TRIM16: variants seen among roughly 807,000 people sequenced by gnomAD.
TRIM16 encodes the protein tripartite motif containing 16.
TRIM16 carries 33 observed loss-of-function variants against 50.4 expected under a neutral mutation model. The observed-to-expected ratio is 0.65, with a 90% confidence interval of 0.50 to 0.88. The LOEUF (loss-of-function observed/expected upper bound fraction) is 0.88. TRIM16 is among the 40% of genes least tolerant of loss of function. The pLI, the probability that TRIM16 is intolerant of heterozygous loss-of-function variation, is 0.00. For missense variants in TRIM16, 581 were observed against 686.8 expected (o/e 0.85, Z 1.72); for synonymous variants, 229 against 270.7 (o/e 0.85, Z 1.51).
At chr17:15,664,902 T>C (rs910017800) in intron 6 of TRIM16, among the ~76,000 whole-genome samples, 2 of 151,902 alleles carry the variant, frequency 1.3e-5, no homozygotes, top group African/African-American at 2.4e-5. Flanking sequence ...TGTGGTGGCA[T>C]GTGCCTATAA....
At chr17:15,677,315 C>T (rs1988992763) in intron 5 of TRIM16, 35 bp from the exon 6 acceptor site, 1 of 983,910 alleles carries the variant, frequency 1.0e-6, no homozygotes, top group Admixed American at 6.2e-5. Context: ...ATTTTAAGTT[C>T]AAAAGAGAAA....
intron 7 of TRIM16, among the ~76,000 whole-genome samples, chr17:15,648,833 C>T (rs185470585): frequency 4.7e-4 from 71 of 152,276 alleles, no homozygotes; most frequent in African/African-American, 1.6e-3. Context: ...ACTTGCTCTC[C>T]GAGCTGAAAA....
intron 7 of TRIM16, among the ~76,000 whole-genome samples, chr17:15,650,227 C>A (rs1415475922): frequency 6.6e-6 from 1 of 152,184 alleles, no homozygotes; most frequent in Non-Finnish European, 1.5e-5. Flanking sequence ...CAACAGGGAA[C>A]TTCCTTGATG....
intron 4 of TRIM16, among the ~76,000 whole-genome samples, chr17:15,678,111 C>T (rs542239802): frequency 2.6e-4 from 40 of 151,634 alleles, no homozygotes; most frequent in South Asian, 1.5e-3. Flanking sequence ...CCCAGCTATT[C>T]GGGAGGCTGA....
intron 6 of TRIM16, among the ~76,000 whole-genome samples, chr17:15,653,800 AG>A (rs1188138861): frequency 6.6e-6 from 1 of 152,204 alleles, no homozygotes; most frequent in African/African-American, 2.4e-5. Flanking sequence ...GCTCCTTAGA[AG>A]AAAGAGGCTG....
chr17:15,656,570 C>G (rs573094356), intron 6 of TRIM16, among the ~76,000 whole-genome samples: 1 of 152,122 alleles, frequency 6.6e-6, no homozygotes, highest in South Asian at 2.1e-4. Flanking sequence ...CCCTGCTCCC[C>G]TTATGTGCCC....
At chr17:15,679,669 G>A (rs1311511758) in intron 4 of TRIM16, among the ~76,000 whole-genome samples, 1 of 152,236 alleles carries the variant, frequency 6.6e-6, no homozygotes, top group Non-Finnish European at 1.5e-5. Flanking sequence ...CGGGCGTGGT[G>A]GCTCACGCCT....
At chr17:15,629,384 A>G (rs1986287873) in intron 11 of TRIM16, among the ~76,000 whole-genome samples, 186 bp from the exon 12 acceptor site, 1 of 152,226 alleles carries the variant, frequency 6.6e-6, no homozygotes, top group South Asian at 2.1e-4. Context: ...GAGAGCACAA[A>G]TCATCTACTC....
intron 6 of TRIM16, among the ~76,000 whole-genome samples, chr17:15,654,815 G>A (rs750736325): frequency 2.6e-5 from 4 of 151,614 alleles, no homozygotes; most frequent in Non-Finnish European, 5.9e-5. Flanking sequence ...CTATTTGTTC[G>A]GGCTCAGTCT....
At chr17:15,664,159 G>C (rs1988372392) in intron 6 of TRIM16, among the ~76,000 whole-genome samples, 1 of 152,214 alleles carries the variant, frequency 6.6e-6, no homozygotes, top group Non-Finnish European at 1.5e-5. Context: ...AAAAGGGCAA[G>C]AAATCCATTT....
At chr17:15,675,855 C>CAT (rs58850080) in intron 6 of TRIM16, among the ~76,000 whole-genome samples, 8,018 of 147,774 alleles carry the variant, frequency 0.054, 396 homozygotes, top group African/African-American at 0.13. Context: ...ATATACTATA[C>CAT]ATATATATAT....
In TRIM16 at chr17:15,669,806, TG is replaced by T. The variant is rs553603458; in HGVS notation, c.-338+7369del. ...CTGAATCTCAGTGCTACTGCCGTTT[TG>T]GGTGGGACAATCCTTTTTTGTAGGG... On this transcript the variant is annotated intron_variant, in intron 6 of 11. Transcript: ENST00000649191. Among the ~76,000 whole-genome samples the T allele has an allele frequency of 9.8e-5, 15 of 152,334 alleles. No individual in the cohort carries two copies. The East Asian group carries it at 2.9e-3, about 29-fold the overall frequency.
intron 7 of TRIM16, among the ~76,000 whole-genome samples, chr17:15,647,832 C>T (rs1160973518): frequency 6.6e-6 from 1 of 151,314 alleles, no homozygotes; most frequent in Non-Finnish European, 1.5e-5. Flanking sequence ...CACACACACA[C>T]ACACACACAC....
At chr17:15,646,768 A>C (rs1987401339) in intron 7 of TRIM16, among the ~76,000 whole-genome samples, 1 of 151,826 alleles carries the variant, frequency 6.6e-6, no homozygotes, top group Admixed American at 6.6e-5. Context: ...GCCTTTCTAG[A>C]GAAGGAAGAA....
chr17:15,629,913 C>A (rs897961639), intron 11 of TRIM16, among the ~76,000 whole-genome samples: 1 of 152,210 alleles, frequency 6.6e-6, no homozygotes, highest in Admixed American at 6.5e-5. Flanking sequence ...TCTGACTGGT[C>A]GTTCGCTGTT....
intron 6 of TRIM16, among the ~76,000 whole-genome samples, chr17:15,666,643 C>T (rs922128321): frequency 3.3e-5 from 5 of 152,182 alleles, no homozygotes; most frequent in Admixed American, 1.3e-4. Flanking sequence ...TGTGCTGGAA[C>T]TTCATATAAA....
intron 6 of TRIM16, among the ~76,000 whole-genome samples, chr17:15,652,741 A>T (rs958873917): frequency 2.0e-5 from 3 of 152,104 alleles, no homozygotes; most frequent in Non-Finnish European, 2.9e-5. Context: ...GATTACAGGC[A>T]TGAGCCACTG....
At chr17:15,649,290 A>G (rs1323990448) in intron 7 of TRIM16, among the ~76,000 whole-genome samples, 1 of 151,624 alleles carries the variant, frequency 6.6e-6, no homozygotes, top group East Asian at 1.9e-4. Context: ...TTTGATGGAG[A>G]TTATTATTAT....
At chr17:15,650,446 G>A (rs1309207833) in intron 7 of TRIM16, among the ~76,000 whole-genome samples, 1 of 152,174 alleles carries the variant, frequency 6.6e-6, no homozygotes, top group African/African-American at 2.4e-5. Context: ...GACAGGCTAT[G>A]AGCATGATGT....
Sources: allele counts gnomAD v4.1 joint callset (sites outside exome capture counted in the v4.1 genomes callset), GRCh38; gene constraint gnomAD v4.1.1; transcripts MANE v1.5; gene names NCBI Gene and HGNC (gene_info 2026-07-23, HGNC 2026-07-21).